The following CNTN6 variants were observed in gnomAD, a reference collection of about 807,000 sequenced individuals.
CNTN6 encodes the protein contactin-6.
Under a neutral mutation model 122.8 loss-of-function variants are expected in CNTN6, and 137 were observed. That is an observed-to-expected ratio of 1.12 (90% CI 0.97 to 1.29). The LOEUF is 1.29. Among genes scored for constraint, CNTN6 ranks in the 50% most tolerant of loss-of-function variants. The pLI, the probability that CNTN6 is intolerant of heterozygous loss-of-function variation, is 0.00. For missense variants in CNTN6, 1,634 were observed against 1,223.4 expected, an observed-to-expected ratio of 1.34 and a Z score of -5.01; for synonymous variants, 570 against 426.0, an observed-to-expected ratio of 1.34 and a Z score of -4.16.
rs1346921953 is a variant in CNTN6, at chr3:1,220,775, G to A, written c.144G>A (p.Leu48=). 6.2e-7 allele frequency: 1 copy of A among 1,612,272 alleles called. No individual in the cohort carries two copies. The highest frequency in any genetic ancestry group is 8.5e-7 in the Non-Finnish European group (1 of 1,179,112). ...ATTTATCAAAATCTGAGGTCATCCTGAATTGTGCTGCTAATGGTTACCCTT... is the reference window on the plus strand; with the variant it reads ...ATTTATCAAAATCTGAGGTCATCCTAAATTGTGCTGCTAATGGTTACCCTT... The part of the protein sequence containing the change: ...PLDLSKSEVI[L]NCAANGYPSP... Residue 48 remains leucine (L), a synonymous_variant, in exon 3 of 23, where the codon CTG becomes CTA. Coordinates refer to ENST00000446702, the MANE Select transcript of CNTN6 (RefSeq NM_001289080.2).
chr3:1,389,550 A>G (rs541429710), intron 20 of CNTN6, among the ~76,000 whole-genome samples: 1 of 152,326 alleles, frequency 6.6e-6, no homozygotes, highest in East Asian at 1.9e-4. Flanking sequence ...ACAGGATCAA[A>G]TTCACACATA....
intron 21 of CNTN6, among the ~76,000 whole-genome samples, chr3:1,401,863 A>G (rs1695756538): frequency 6.6e-6 from 1 of 152,062 alleles, no homozygotes; most frequent in African/African-American, 2.4e-5. Flanking sequence ...CAAAAAATAT[A>G]TCTAAATAGA....
At chr3:1,313,031 C>T (rs114641181) in intron 7 of CNTN6, among the ~76,000 whole-genome samples, 8,755 of 128,274 alleles carry the variant, frequency 0.068, 344 homozygotes, top group African/African-American at 0.2. Context: ...TATGCCATTT[C>T]AGTCTCTTTA....
At chr3:1,387,754 C>G (rs539826445) in intron 20 of CNTN6, among the ~76,000 whole-genome samples, 3 of 149,880 alleles carry the variant, frequency 2.0e-5, no homozygotes, top group South Asian at 2.1e-4. Flanking sequence ...ACTTGGGAAG[C>G]GCAAGGGGTC....
At chr3:1,401,728 A>G (rs1461378677) in intron 21 of CNTN6, among the ~76,000 whole-genome samples, 183 bp downstream of exon 21, 2 of 152,096 alleles carry the variant, frequency 1.3e-5, no homozygotes, top group East Asian at 3.9e-4. Context: ...TCCAAGGTCC[A>G]GTAATGTATT....
intron 4 of CNTN6, among the ~76,000 whole-genome samples, chr3:1,247,719 G>A (rs147653155): frequency 1.3e-5 from 2 of 152,124 alleles, no homozygotes; most frequent in Non-Finnish European, 2.9e-5. Context: ...AAGAGCAGTG[G>A]GTGATTCCGT....
intron 2 of CNTN6, among the ~76,000 whole-genome samples, chr3:1,172,620 C>CTCTCTCTCTG (rs762907787): frequency 5.3e-5 from 8 of 150,288 alleles, no homozygotes; most frequent in African/African-American, 1.7e-4. Context: ...CAATAACTCT[C>CTCTCTCTCTG]TGTGTGTGTG....
chr3:1,268,575 C>A (rs895037005), intron 4 of CNTN6, among the ~76,000 whole-genome samples: 2 of 134,938 alleles, frequency 1.5e-5, no homozygotes, highest in East Asian at 2.6e-4. Flanking sequence ...CCACTGCACT[C>A]CAGCCTGGGC....
chr3:1,377,926 C>A (rs155385), intron 17 of CNTN6, among the ~76,000 whole-genome samples: 3 of 151,578 alleles, frequency 2.0e-5, no homozygotes, highest in Non-Finnish European at 4.4e-5. Context: ...AGGGTTTCTG[C>A]GTTTTTTAAT....
Position 1,346,651 on chromosome 3 carries a change from A to G in CNTN6, c.1365-5673A>G, listed in dbSNP as rs557845486. ...CGTGAGCCTTCCAGCCACCAGAATC[A>G]TGAGCCAAATAAACCATTTTTCTTT... On this transcript the variant is annotated intron_variant, in intron 11 of 22. Coordinates refer to ENST00000446702, the MANE Select transcript of CNTN6 (RefSeq NM_001289080.2). Among the ~76,000 whole-genome samples, 32 of 152,248 alleles carry G rather than the reference A, an allele frequency of 2.1e-4. No homozygotes were observed. In the South Asian group the frequency reaches 5.8e-3, roughly 28 times the overall value.
intron 2 of CNTN6, among the ~76,000 whole-genome samples, chr3:1,158,516 A>G (rs540017940): frequency 6.6e-6 from 1 of 151,520 alleles, no homozygotes; most frequent in African/African-American, 2.4e-5. Flanking sequence ...TTCCTTTTCT[A>G]TATAGAAGCT....
intron 5 of CNTN6, among the ~76,000 whole-genome samples, chr3:1,284,996 T>A (rs1008229025): frequency 1.3e-5 from 2 of 152,198 alleles, no homozygotes; most frequent in Admixed American, 6.5e-5. Flanking sequence ...AGATGAAAAT[T>A]CACTGGTTTA....
chr3:1,102,676 A>G lies in CNTN6; in HGVS notation c.-83+9556A>G, dbSNP rs9879186. Among the ~76,000 whole-genome samples the G allele has an allele frequency of 3.5e-5, 5 of 141,158 alleles. 1 individual carries two copies. Among genetic ancestry groups the G allele is most frequent in the African/African-American group, 1.3e-4 (5 of 39,566 alleles). The allele number at this position is 141,158 out of a possible 152,430, so 92.6% of individuals were successfully genotyped here. On this transcript the variant is annotated intron_variant, in intron 1 of 22. Coordinates refer to ENST00000446702, the MANE Select transcript of CNTN6 (RefSeq NM_001289080.2). ...CCGGGGGGCGGAGCTTGCAGTGAGC[A>G]GAGATGGCGCCACCGCCCTCCAGCC...
chr3:1,290,321 G>A (rs1288329755), intron 5 of CNTN6, among the ~76,000 whole-genome samples: 4 of 152,156 alleles, frequency 2.6e-5, no homozygotes, highest in Admixed American at 2.0e-4. Context: ...GAAATTGGAC[G>A]CAGGACAGGA....
intron 5 of CNTN6, among the ~76,000 whole-genome samples, chr3:1,282,689 A>G (rs1230150310): frequency 6.6e-6 from 1 of 152,216 alleles, no homozygotes; most frequent in Admixed American, 6.5e-5. Context: ...AACTTCACTA[A>G]GATTCCTGTT....
At chr3:1,106,880 A>G (rs2091250247) in intron 1 of CNTN6, among the ~76,000 whole-genome samples, 1 of 152,106 alleles carries the variant, frequency 6.6e-6, no homozygotes, top group African/African-American at 2.4e-5. Context: ...ATTTTGGTCA[A>G]TAATAATAAT....
At chr3:1,328,798 T>G (rs1575723532) in intron 10 of CNTN6, among the ~76,000 whole-genome samples, 2 of 151,816 alleles carry the variant, frequency 1.3e-5, no homozygotes, top group Middle Eastern at 3.4e-3. Flanking sequence ...AGCTTTAGAT[T>G]AGAAATGGAG....
intron 10 of CNTN6, 58 bp downstream of exon 10, chr3:1,327,644 A>G (rs1701727293): frequency 6.4e-7 from 1 of 1,567,868 alleles, no homozygotes; most frequent in Admixed American, 1.8e-5. Flanking sequence ...AGCTATAATT[A>G]TGCATAATCC....
At chr3:1,280,354 T>G (rs1693153632) in intron 5 of CNTN6, among the ~76,000 whole-genome samples, 1 of 151,304 alleles carries the variant, frequency 6.6e-6, no homozygotes, top group Admixed American at 6.6e-5. Flanking sequence ...GTGGGGTCGA[T>G]GCCATAAAAT....
Sources: allele counts gnomAD v4.1 joint callset (sites outside exome capture counted in the v4.1 genomes callset), GRCh38; gene constraint gnomAD v4.1.1; transcripts MANE v1.5; gene names NCBI Gene and HGNC (gene_info 2026-07-23, HGNC 2026-07-21).